Variants in SOCS5 observed in about 807,000 individuals in gnomAD.
SOCS5 encodes suppressor of cytokine signaling 5, also known as CIS-6.
A neutral mutation model predicts 42.8 loss-of-function variants in SOCS5; 32 were observed. The observed-to-expected ratio is 0.75, with a 90% CI of 0.56 to 1.01. The LOEUF is 1.01. SOCS5 is among the 50% of genes least tolerant of loss of function. SOCS5 has a pLI of 0.00. For synonymous variants in SOCS5, 283 were observed against 229.6 expected, an observed-to-expected ratio of 1.23 and a Z score of -2.10; for missense variants, 627 against 653.0, an observed-to-expected ratio of 0.96 and a Z score of 0.43.
At chr2:46,714,350 A>ATT (rs1424778240) in intron 1 of SOCS5, among the ~76,000 whole-genome samples, 3 of 152,132 alleles carry the variant, frequency 2.0e-5, no homozygotes, top group African/African-American at 7.2e-5. Context: ...CACATTGGAG[A>ATT]TTAAGTGTTG....
chr2:46,742,154 CT>C (rs1673392579), intron 1 of SOCS5, among the ~76,000 whole-genome samples: 1 of 152,118 alleles, frequency 6.6e-6, no homozygotes, highest in South Asian at 2.1e-4. Context: ...CAAGAATGAC[CT>C]TTATTGGCCA....
chr2:46,721,426 C>T (rs1330680328), intron 1 of SOCS5, among the ~76,000 whole-genome samples: 1 of 152,042 alleles, frequency 6.6e-6, no homozygotes. Context: ...TATTTGTTAT[C>T]AGTTTTTTAA....
At chr2:46,756,384 G>C (rs1673731151) in intron 1 of SOCS5, among the ~76,000 whole-genome samples, 1 of 152,168 alleles carries the variant, frequency 6.6e-6, no homozygotes, top group South Asian at 2.1e-4. Flanking sequence ...AGGCTTTGCA[G>C]ACTACATGTG....
At chr2:46,732,313 T>G (rs1364986388) in intron 1 of SOCS5, among the ~76,000 whole-genome samples, 1 of 152,148 alleles carries the variant, frequency 6.6e-6, no homozygotes, top group East Asian at 1.9e-4. Context: ...GAGTCTTGGA[T>G]GCCTTTACAG....
intron 1 of SOCS5, among the ~76,000 whole-genome samples, chr2:46,721,391 A>G (rs1672881578): frequency 6.6e-6 from 1 of 152,204 alleles, no homozygotes; most frequent in African/African-American, 2.4e-5. Flanking sequence ...TAAGCATTCA[A>G]TAATTAACTT....
intron 1 of SOCS5, among the ~76,000 whole-genome samples, chr2:46,719,980 A>G (rs575497041): frequency 7.9e-5 from 12 of 152,336 alleles, no homozygotes; most frequent in African/African-American, 2.6e-4. Flanking sequence ...TTAAGAAACA[A>G]TATCAAGCTA....
chr2:46,746,508 A>G (rs1558410840), intron 1 of SOCS5, among the ~76,000 whole-genome samples: 1 of 151,976 alleles, frequency 6.6e-6, no homozygotes, highest in Non-Finnish European at 1.5e-5. Flanking sequence ...AAAATTAGCC[A>G]GGCGTGGTGG....
intron 1 of SOCS5, among the ~76,000 whole-genome samples, chr2:46,750,748 C>G (rs1165762846): frequency 6.6e-6 from 1 of 151,986 alleles, no homozygotes. Flanking sequence ...GTTGGTAGGC[C>G]CATGAATATA....
rs183449349 is a variant in SOCS5 at position 46,718,948 on chromosome 2, A to G, written c.-13+19499A>G. Among the ~76,000 whole-genome samples, 49 of 152,346 alleles carry G rather than the reference A, an allele frequency of 3.2e-4. 3 individuals are homozygous for G. In the East Asian group the frequency reaches 7.7e-3, roughly 24 times the overall value. On this transcript the variant is annotated intron_variant, in intron 1 of 1. Transcript: ENST00000394861. Reference sequence around the variant, plus strand: ...CAAGTTTAATTTTTAGGAATTTATTATAAGGAAATAAGAGATGCACACAAA... The same window carrying G: ...CAAGTTTAATTTTTAGGAATTTATTGTAAGGAAATAAGAGATGCACACAAA...
At chr2:46,720,676 G>A (rs1186819579) in intron 1 of SOCS5, among the ~76,000 whole-genome samples, 1 of 152,198 alleles carries the variant, frequency 6.6e-6, no homozygotes, top group Admixed American at 6.5e-5. Context: ...GGTATTGTAA[G>A]GGATCTGGTC....
chr2:46,747,172 G>C (rs1673520638), intron 1 of SOCS5, among the ~76,000 whole-genome samples: 1 of 151,978 alleles, frequency 6.6e-6, no homozygotes, highest in Non-Finnish European at 1.5e-5. Context: ...TAAAAATCTA[G>C]TCATTTCTTC....
At chr2:46,734,230 A>G (rs1447639043) in intron 1 of SOCS5, among the ~76,000 whole-genome samples, 1 of 152,196 alleles carries the variant, frequency 6.6e-6, no homozygotes, top group Non-Finnish European at 1.5e-5. Context: ...CAAAAATATT[A>G]TACAGTCATT....
Position 46,759,560 on chromosome 2 carries a change from T to G in SOCS5, c.1030T>G (p.Ser344Ala). 6.2e-7 allele frequency: 1 copy of G among 1,613,908 alleles called. No individual in the cohort carries two copies. The highest frequency in any genetic ancestry group is 8.5e-7 in the Non-Finnish European group (1 of 1,179,850). Reference protein sequence around the residue: ...QSRRQKQRQISGDSHTHVSRQ... With the variant: ...QSRRQKQRQIAGDSHTHVSRQ... ...ACGGAGGCAGAAGCAGCGTCAGATA[T>G]CTGGAGACAGCCATACCCATGTTAG... is the stretch of plus-strand genomic sequence containing the variant. Residue 344 changes from serine (S) to alanine (A), a missense_variant, in exon 2 of 2, where the codon TCT becomes GCT. Transcript: ENST00000394861.
chr2:46,744,796 G>T, intron 1 of SOCS5, among the ~76,000 whole-genome samples: 1 of 151,804 alleles, frequency 6.6e-6, no homozygotes, highest in Non-Finnish European at 1.5e-5. Flanking sequence ...CCAAAGTGCA[G>T]GGCTCACATG....
At chr2:46,752,226 G>A (rs970775924) in intron 1 of SOCS5, among the ~76,000 whole-genome samples, 1 of 151,450 alleles carries the variant, frequency 6.6e-6, no homozygotes, top group East Asian at 1.9e-4. Flanking sequence ...TCTAGTCAGC[G>A]GCAGCATTAG....
intron 1 of SOCS5, among the ~76,000 whole-genome samples, chr2:46,739,501 T>C (rs774489569): frequency 1.3e-5 from 2 of 152,182 alleles, no homozygotes; most frequent in African/African-American, 2.4e-5. Flanking sequence ...GTAACCCATA[T>C]ATAAAAGAAT....
Position 46,758,979 on chromosome 2 carries a change from A to C in SOCS5, c.449A>C (p.Gln150Pro). Residue 150 changes from glutamine to proline, a missense_variant, in exon 2 of 2, where the codon CAA becomes CCA. Physicochemically the swap from Gln to Pro is moderately conservative, Grantham distance 76. Coordinates refer to ENST00000394861, the MANE Select transcript of SOCS5 (RefSeq NM_144949.3). Reference protein sequence around the residue: ...KKFGRTRSGLQRRERRYGVSS... With the variant: ...KKFGRTRSGLPRRERRYGVSS... ...TTTGGTAGAACTCGAAGTGGACTTC[A>C]AAGGAGAGAGAGGCGCTACGGCGTA... is the stretch of plus-strand genomic sequence containing the variant. 1 of 1,614,004 alleles carries C rather than the reference A, an allele frequency of 6.2e-7. No individual in the cohort carries two copies. The highest frequency in any genetic ancestry group is 8.5e-7 in the Non-Finnish European group (1 of 1,179,854).
At chr2:46,711,576 C>T (rs1035100622) in intron 1 of SOCS5, among the ~76,000 whole-genome samples, 20 of 152,242 alleles carry the variant, frequency 1.3e-4, no homozygotes, top group African/African-American at 4.6e-4. Context: ...CTTGACTGTT[C>T]ATTGTTTTGG....
At chr2:46,758,255 C>A (rs1160400119) in intron 1 of SOCS5, among the ~76,000 whole-genome samples, 1 of 152,192 alleles carries the variant, frequency 6.6e-6, no homozygotes, top group African/African-American at 2.4e-5. Flanking sequence ...CGTTTATTTT[C>A]TTTCACCTGA....
Sources: gnomAD v4.1 joint callset for allele counts (sites outside exome capture counted in the v4.1 genomes callset) on GRCh38, gnomAD v4.1.1 for gene constraint, MANE v1.5 for transcripts, NCBI Gene and HGNC (gene_info 2026-07-23, HGNC 2026-07-21) for gene names.